The following DRC2 variants were observed in gnomAD, a reference collection of about 807,000 sequenced individuals.
DRC2 encodes the protein coiled-coil domain containing 65.
At chr12:48,904,948 C>G in the DRC2 span, 1 of 1,596,444 alleles carries the variant, frequency 6.3e-7, no homozygotes, top group Admixed American at 1.7e-5. Context: ...TCACACAGGA[C>G]AAGCTGGCCA....
the DRC2 span, chr12:48,918,748 C>T: frequency 6.8e-6 from 11 of 1,613,942 alleles, no homozygotes; most frequent in East Asian, 4.5e-5. Flanking sequence ...AGATGAGAAC[C>T]GGTATATCCG....
At chr12:48,918,205 T>C in the DRC2 span, 4 of 1,434,502 alleles carry the variant, frequency 2.8e-6, no homozygotes, top group East Asian at 4.5e-5. Context: ...GAGGGTGGGA[T>C]TGCTGGTAGA....
chr12:48,918,823 G>A, the DRC2 span: 1 of 1,614,138 alleles, frequency 6.2e-7, no homozygotes, highest in South Asian at 1.1e-5. Flanking sequence ...TCAGGCCCGG[G>A]CAGCATCCCA....
chr12:48,915,929 G>A, the DRC2 span, among the ~76,000 whole-genome samples: 8 of 151,346 alleles, frequency 5.3e-5, no homozygotes, highest in South Asian at 2.1e-4. Flanking sequence ...ACGGGGTGGC[G>A]GCCGGGCAGA....
the DRC2 span, among the ~76,000 whole-genome samples, chr12:48,919,808 G>A: frequency 1.3e-5 from 2 of 151,606 alleles, no homozygotes; most frequent in South Asian, 2.1e-4. Flanking sequence ...GAGCCACCGC[G>A]TCTGGTCTAC....
At chr12:48,921,351 C>T in the DRC2 span, 1 of 1,614,124 alleles carries the variant, frequency 6.2e-7, no homozygotes, top group South Asian at 1.1e-5. Context: ...CCAGCTCAAC[C>T]CACTCTTTAT....
the DRC2 span, among the ~76,000 whole-genome samples, chr12:48,906,795 AC>A: frequency 2.6e-5 from 4 of 151,050 alleles, no homozygotes; most frequent in Non-Finnish European, 5.9e-5. Context: ...GGAACTCCTG[AC>A]CTTAGGTGAT....
the DRC2 span, among the ~76,000 whole-genome samples, chr12:48,913,247 T>C: frequency 8.2e-3 from 1,249 of 152,076 alleles, 7 homozygotes; most frequent in Non-Finnish European, 0.013. Context: ...GCTACATCAC[T>C]GCAAATGTTA....
chr12:48,919,345 G>A, the DRC2 span, among the ~76,000 whole-genome samples: 1 of 151,022 alleles, frequency 6.6e-6, no homozygotes, highest in African/African-American at 2.4e-5. Context: ...TCCCGCCACA[G>A]CCTCCCCAAT....
chr12:48,920,832 G>A, the DRC2 span: 19 of 1,131,102 alleles, frequency 1.7e-5, no homozygotes, highest in Non-Finnish European at 2.4e-5. Context: ...TTCCCACTTG[G>A]ATGAGTAGCT....
chr12:48,908,813 C>A, the DRC2 span, among the ~76,000 whole-genome samples: 4 of 151,562 alleles, frequency 2.6e-5, no homozygotes, highest in South Asian at 6.2e-4. Flanking sequence ...ATTGGCCAGG[C>A]TGGTCTCTAA....
At chr12:48,912,430 G>A in the DRC2 span, among the ~76,000 whole-genome samples, 13 of 24,488 alleles carry the variant, frequency 5.3e-4, no homozygotes, top group South Asian at 4.5e-3. Context: ...AGAGCGAGAC[G>A]CCGTCTCAAA....
At chr12:48,917,236 A>G in the DRC2 span, 2 of 1,039,784 alleles carry the variant, frequency 1.9e-6, no homozygotes, top group East Asian at 5.3e-5. Flanking sequence ...GGATCACTTG[A>G]GACTGGGAGT....
chr12:48,907,314 T>C, the DRC2 span, among the ~76,000 whole-genome samples: 19 of 152,300 alleles, frequency 1.2e-4, no homozygotes, highest in South Asian at 3.9e-3. Flanking sequence ...GAGTTATGTA[T>C]CTCGTACTGT....
At chr12:48,911,297 T>A in the DRC2 span, among the ~76,000 whole-genome samples, 11 of 152,120 alleles carry the variant, frequency 7.2e-5, no homozygotes, top group Non-Finnish European at 1.2e-4. Flanking sequence ...CAGTGGTTCA[T>A]GCTTGTAATC....
chr12:48,918,725 G>A, the DRC2 span: 6 of 1,614,008 alleles, frequency 3.7e-6, no homozygotes, highest in Admixed American at 1.0e-4. Flanking sequence ...ATGATACACA[G>A]CCGTGAGAGT....
chr12:48,916,569 C>T, the DRC2 span, among the ~76,000 whole-genome samples: 9 of 152,072 alleles, frequency 5.9e-5, no homozygotes, highest in Admixed American at 4.6e-4. Context: ...AGCTTCGGCT[C>T]GGCATGAGAG....
chr12:48,918,876 C>T, the DRC2 span: 1 of 1,613,856 alleles, frequency 6.2e-7, no homozygotes, highest in Non-Finnish European at 8.5e-7. Flanking sequence ...ATGCCACCCT[C>T]AAGGCCCTGA....
chr12:48,904,589 A>G, the DRC2 span: 4 of 1,367,162 alleles, frequency 2.9e-6, no homozygotes, highest in Non-Finnish European at 3.0e-6. Flanking sequence ...AGACCCAGAT[A>G]TACTTAGATT....
Sources: gnomAD v4.1 joint callset for allele counts (sites outside exome capture counted in the v4.1 genomes callset) on GRCh38, gnomAD v4.1.1 for gene constraint, MANE v1.5 for transcripts, NCBI Gene and HGNC (gene_info 2026-07-23, HGNC 2026-07-21) for gene names.